FOSL2: variants seen among roughly 807,000 people sequenced by gnomAD.
FOSL2 encodes fos-related antigen 2.
FOSL2 carries 3 observed loss-of-function variants against 27.7 expected under a neutral mutation model. The ratio of observed to expected loss-of-function variants is 0.11; its 90% CI spans 0.05 to 0.28. The LOEUF is 0.28. FOSL2 is among the 10% of genes least tolerant of loss of function. The probability of loss-of-function intolerance (pLI) is 1.00; values close to 1 mark genes in which losing one functional copy is unlikely to be tolerated. For synonymous variants in FOSL2, 179 were observed against 190.1 expected (o/e 0.94, Z 0.48); for missense variants, 333 against 445.1 (o/e 0.75, Z 2.27).
intron 3 of FOSL2, among the ~76,000 whole-genome samples, chr2:28,411,564 C>T (rs1664199014): frequency 6.6e-6 from 1 of 152,198 alleles, no homozygotes; most frequent in African/African-American, 2.4e-5. Context: ...TAACAGAACC[C>T]CTCTGAACCT....
intron 1 of FOSL2, among the ~76,000 whole-genome samples, chr2:28,400,356 G>A (rs929095014): frequency 2.6e-5 from 4 of 152,198 alleles, no homozygotes; most frequent in African/African-American, 9.7e-5. Context: ...TGGCATAGAA[G>A]AATGCTAGGC....
intron 1 of FOSL2, among the ~76,000 whole-genome samples, chr2:28,396,496 A>G (rs1326971528): frequency 6.6e-6 from 1 of 151,836 alleles, no homozygotes; most frequent in Non-Finnish European, 1.5e-5. Context: ...TAACTTTCCT[A>G]GGAAAACATC....
chr2:28,409,478 C>T (rs1045511193), intron 3 of FOSL2, among the ~76,000 whole-genome samples: 1 of 152,228 alleles, frequency 6.6e-6, no homozygotes, highest in East Asian at 1.9e-4. Context: ...GTCACTCTCC[C>T]GTGCCGCCTA....
In FOSL2 at chr2:28,393,736, C is replaced by T. The variant is rs143477470; in HGVS notation, c.16C>T (p.Pro6Ser). 223 of 1,609,954 alleles carry T rather than the reference C, an allele frequency of 1.4e-4. No individual in the cohort carries two copies. The highest frequency in any genetic ancestry group is 1.8e-4 in the Non-Finnish European group (214 of 1,178,388). MYQDY[P>S]GNFDTSSRGS... ...ACCGCGGATCATGTACCAGGATTAT[C>T]CCGGGAACTTTGACACCTCGTCCCG... is the stretch of plus-strand genomic sequence containing the variant. Residue 6 changes from proline (P) to serine (S), a missense_variant, in exon 1 of 4, where the codon CCC becomes TCC. Around this residue, in one of 4 missense-constraint regions of FOSL2, gnomAD observed 131 missense variants for 157.9 expected, o/e 0.83. Coordinates refer to ENST00000264716, the MANE Select transcript of FOSL2 (RefSeq NM_005253.4). The surrounding 1 kb of genome is among the most constrained non-coding windows in gnomAD (Gnocchi z 4.6).
Position 28,393,681 on chromosome 2 carries a change from G to GA in FOSL2, c.-35dup, listed in dbSNP as rs749967818. The GA allele has an allele frequency of 5.6e-5, 83 of 1,492,592 alleles. No homozygotes were observed. In the African/African-American group the frequency reaches 1.1e-3, roughly 20 times the overall value. 92.5% of individuals were successfully genotyped at this position (1,492,592 alleles called of 1,614,324 possible). ...CGCGGCCGCGGCGAGGGCGGGGGAA[G>GA]AAAAACACCCTGTTTCCTCTCCGGC... On this transcript the variant is annotated 5_prime_UTR_variant, in exon 1 of 4. Transcript: ENST00000264716. The surrounding 1 kb of genome is among the most constrained non-coding windows in gnomAD (Gnocchi z 4.6).
At chr2:28,397,768 C>T (rs1455609317) in intron 1 of FOSL2, among the ~76,000 whole-genome samples, 1 of 152,194 alleles carries the variant, frequency 6.6e-6, no homozygotes, top group African/African-American at 2.4e-5. Flanking sequence ...CTGAATGCTG[C>T]GGCTATGCTT....
chr2:28,401,915 G>A (rs183689654), intron 1 of FOSL2, among the ~76,000 whole-genome samples: 80 of 152,238 alleles, frequency 5.3e-4, no homozygotes, highest in African/African-American at 1.9e-3. Flanking sequence ...AGAACCCATT[G>A]CTCTAGGCAG....
At chr2:28,409,243 C>T (rs1472954558) in intron 3 of FOSL2, among the ~76,000 whole-genome samples, 6 of 152,146 alleles carry the variant, frequency 3.9e-5, no homozygotes, top group Admixed American at 3.9e-4. Context: ...TCCAGGGCTG[C>T]TTCCCGAGGT....
At chr2:28,396,175 G>A (rs1033755906) in intron 1 of FOSL2, among the ~76,000 whole-genome samples, 2 of 151,646 alleles carry the variant, frequency 1.3e-5, no homozygotes, top group Admixed American at 6.6e-5. Flanking sequence ...CTCTTTTGGG[G>A]GTCCAATATT....
rs537447580 is a variant in FOSL2 at position 28,412,103 on chromosome 2, G to C, written c.636G>C (p.Gly212=). The C allele has an allele frequency of 1.2e-6, 2 of 1,606,576 alleles. No homozygotes were observed. Among genetic ancestry groups the C allele is most frequent in the Non-Finnish European group, 1.7e-6 (2 of 1,179,788 alleles). The change falls in exon 4 of 4, where the codon GGG becomes GGC. Residue 212 remains glycine (G), a synonymous_variant. Coordinates refer to ENST00000264716, the MANE Select transcript of FOSL2 (RefSeq NM_005253.4). This position sits in a 1 kb window ranked among gnomAD's most constrained non-coding sequence, Gnocchi z 7.1. ...CTGGGCTGCAGCCCATGCGCAGTGG[G>C]GGTGGCTCGGTGGGCGCTGTAGTGG... ...PAPGLQPMRS[G]GGSVGAVVVK...
chr2:28,413,260 A>C lies in FOSL2; in HGVS notation c.*812A>C. On this transcript the variant is annotated 3_prime_UTR_variant, in exon 4 of 4. Coordinates refer to ENST00000264716, the MANE Select transcript of FOSL2 (RefSeq NM_005253.4). ...CAAACGCCTAATTACCAGGCCAGGAAGCATGCCAACAAAGCCACACGGGTG... is the reference window on the plus strand; with the variant it reads ...CAAACGCCTAATTACCAGGCCAGGACGCATGCCAACAAAGCCACACGGGTG... The C allele has an allele frequency of 2.6e-6, 1 of 379,352 alleles. No homozygotes were observed. 23.5% of individuals were successfully genotyped at this position (379,352 alleles called of 1,614,324 possible).
rs1664239630 is a variant in FOSL2 at position 28,413,193 on chromosome 2, G to C, written c.*745G>C. 7.0e-6 allele frequency: 2 copies of C among 286,608 alleles called. No homozygotes were observed. Among genetic ancestry groups the C allele is most frequent in the Non-Finnish European group, 6.4e-6 (1 of 155,164 alleles). The allele number at this position is 286,608 out of a possible 1,614,324, so 17.8% of individuals were successfully genotyped here. A position where few individuals can be genotyped will look rare whatever the true frequency, so the allele number is the denominator to read the frequency against. Reference sequence around the variant, plus strand: ...TTCTGGAGGAACGGCTTGGCCAGAAGACAGGGTGTGAGTGAGACAGTGGGG... The same window carrying C: ...TTCTGGAGGAACGGCTTGGCCAGAACACAGGGTGTGAGTGAGACAGTGGGG... On this transcript the variant is annotated 3_prime_UTR_variant, in exon 4 of 4. Transcript: ENST00000264716.
At position 28,412,409 on chromosome 2, in the gene FOSL2, A is replaced by G; in HGVS notation, c.942A>G (p.Ser314=). ...HRRSSSSGDQ[S]SDSLNSPTLL... The stretch of plus-strand genomic sequence containing the variant: ...GAAGCAGTAGCAGCGGGGACCAATC[A>G]TCAGACTCCTTGAACTCCCCCACTC... The change falls in exon 4 of 4, where the codon TCA becomes TCG. Residue 314 remains serine, a synonymous_variant. Transcript: ENST00000264716. This position sits in a 1 kb window ranked among gnomAD's most constrained non-coding sequence, Gnocchi z 7.1. The G allele has an allele frequency of 6.2e-7, 1 of 1,603,172 alleles. No homozygotes were observed. Among genetic ancestry groups the G allele is most frequent in the Non-Finnish European group, 8.5e-7 (1 of 1,179,866 alleles).
Position 28,410,032 on chromosome 2 carries a change from C to T in FOSL2, c.462+1166C>T, listed in dbSNP as rs754176178. ...CTGGGATTACAGGCGTGAGCCACCACGCCTGGCCCATCCCCTCACTTGAGT... is the reference window on the plus strand; with the variant it reads ...CTGGGATTACAGGCGTGAGCCACCATGCCTGGCCCATCCCCTCACTTGAGT... On this transcript the variant is annotated intron_variant, in intron 3 of 3. Transcript: ENST00000264716. Among the ~76,000 whole-genome samples the T allele has an allele frequency of 9.9e-5, 15 of 152,224 alleles. No individual in the cohort carries two copies. The East Asian group carries it at 1.2e-3, about 12-fold the overall frequency.
At chr2:28,411,495 G>C (rs1664197685) in intron 3 of FOSL2, among the ~76,000 whole-genome samples, 1 of 152,176 alleles carries the variant, frequency 6.6e-6, no homozygotes, top group Admixed American at 6.5e-5. Flanking sequence ...CCTGGAGTCA[G>C]ATACATTGGG....
chr2:28,408,658 A>G lies in FOSL2; in HGVS notation c.355-101A>G. 3 of 803,372 alleles carry G rather than the reference A, an allele frequency of 3.7e-6. No individual in the cohort carries two copies. The highest frequency in any genetic ancestry group is 5.7e-6 in the Non-Finnish European group (3 of 530,316). 49.8% of individuals were successfully genotyped at this position (803,372 alleles called of 1,614,324 possible). A position where few individuals can be genotyped will look rare whatever the true frequency, so the allele number is the denominator to read the frequency against. ...TCTTGCCCTTCCTTCTCCTTTCTCC[A>G]TTTCCAGAAGGGCTTCTTGCCTTAC... On this transcript the variant is annotated intron_variant, in intron 2 of 3. Transcript: ENST00000264716. This position sits in a 1 kb window ranked among gnomAD's most constrained non-coding sequence, Gnocchi z 4.1.
rs1663731594 is a variant in FOSL2, at chr2:28,393,678, G to T, written c.-43G>T. 1.4e-6 allele frequency: 2 copies of T among 1,448,436 alleles called. No individual in the cohort carries two copies. The highest frequency in any genetic ancestry group is 1.9e-6 in the Non-Finnish European group (2 of 1,055,566). 89.7% of individuals were successfully genotyped at this position (1,448,436 alleles called of 1,614,324 possible). A position where few individuals can be genotyped will look rare whatever the true frequency, so the allele number is the denominator to read the frequency against. On this transcript the variant is annotated 5_prime_UTR_variant, in exon 1 of 4. Coordinates refer to ENST00000264716, the MANE Select transcript of FOSL2 (RefSeq NM_005253.4). The surrounding 1 kb of genome is among the most constrained non-coding windows in gnomAD (Gnocchi z 4.6). ...GTGCGCGGCCGCGGCGAGGGCGGGG[G>T]AAGAAAAACACCCTGTTTCCTCTCC...
At chr2:28,394,367 C>G (rs970227781) in intron 1 of FOSL2, among the ~76,000 whole-genome samples, 1 of 152,150 alleles carries the variant, frequency 6.6e-6, no homozygotes, top group African/African-American at 2.4e-5. Context: ...CGAGGGCTGC[C>G]GCTCTGGGAA....
chr2:28,393,447 G>A lies in FOSL2; in HGVS notation c.-274G>A. On this transcript the variant is annotated 5_prime_UTR_variant, in exon 1 of 4. Coordinates refer to ENST00000264716, the MANE Select transcript of FOSL2 (RefSeq NM_005253.4). The surrounding 1 kb of genome is among the most constrained non-coding windows in gnomAD (Gnocchi z 4.6). Reference sequence around the variant, plus strand: ...CAGGGGAGGGACCGAGAGACGCGCCGACTTTTTAGAGGGAGGGATCGGGTG... The same window carrying A: ...CAGGGGAGGGACCGAGAGACGCGCCAACTTTTTAGAGGGAGGGATCGGGTG... 2.4e-6 allele frequency: 1 copy of A among 413,760 alleles called. No individual in the cohort carries two copies. The highest frequency in any genetic ancestry group is 4.3e-6 in the Non-Finnish European group (1 of 231,214). 25.6% of individuals were successfully genotyped at this position (413,760 alleles called of 1,614,324 possible).
Sources: allele counts gnomAD v4.1 joint callset (sites outside exome capture counted in the v4.1 genomes callset), GRCh38; gene constraint gnomAD v4.1.1; regional missense constraint gnomAD v4.1.1; non-coding constraint Gnocchi (gnomAD v3.1); transcripts MANE v1.5; gene names NCBI Gene and HGNC (gene_info 2026-07-23, HGNC 2026-07-21).